The following RGS20 variants were observed in gnomAD, a reference collection of about 807,000 sequenced individuals.
The protein encoded by RGS20 is regulator of G protein signaling 20.
A neutral mutation model predicts 33.6 loss-of-function variants in RGS20; 30 were observed. The observed-to-expected ratio is 0.89, with a 90% CI of 0.67 to 1.21. The LOEUF is 1.21. Among genes scored for constraint, RGS20 ranks in the 50% most tolerant of loss-of-function variants. The probability of loss-of-function intolerance (pLI) is 0.00; values close to 1 mark genes in which losing one functional copy is unlikely to be tolerated. For synonymous variants in RGS20, 208 were observed against 197.9 expected (o/e 1.05, Z -0.43); for missense variants, 472 against 502.4 (o/e 0.94, Z 0.58).
At chr8:53,862,408 C>A (rs1037077772) in intron 1 of RGS20, among the ~76,000 whole-genome samples, 15 of 152,112 alleles carry the variant, frequency 9.9e-5, no homozygotes, top group African/African-American at 3.6e-4. Context: ...TACTTCCAGC[C>A]CCTCCTCAGA....
chr8:53,894,217 C>T (rs1293454005), intron 2 of RGS20, among the ~76,000 whole-genome samples: 3 of 152,082 alleles, frequency 2.0e-5, no homozygotes, highest in Admixed American at 6.6e-5. Context: ...TGGTTCCCTG[C>T]GAAGAGTCCA....
intron 2 of RGS20, among the ~76,000 whole-genome samples, chr8:53,926,261 G>A (rs1284816866): frequency 6.6e-6 from 1 of 152,182 alleles, no homozygotes; most frequent in Non-Finnish European, 1.5e-5. Flanking sequence ...CCAGGAGAAT[G>A]TGTCCTCTCA....
intron 1 of RGS20, among the ~76,000 whole-genome samples, chr8:53,872,389 C>A (rs1307457322): frequency 6.6e-6 from 1 of 152,124 alleles, no homozygotes; most frequent in East Asian, 1.9e-4. Context: ...AATCCAAAAT[C>A]CTTACCATGA....
intron 5 of RGS20, among the ~76,000 whole-genome samples, chr8:53,955,399 G>A (rs951106663): frequency 1.1e-4 from 16 of 152,096 alleles, no homozygotes; most frequent in Non-Finnish European, 4.4e-5. Context: ...TGATGTTATA[G>A]AGCAGCAGCA....
chr8:53,894,642 T>C (rs1812803595), intron 2 of RGS20, among the ~76,000 whole-genome samples: 1 of 152,208 alleles, frequency 6.6e-6, no homozygotes, highest in South Asian at 2.1e-4. Context: ...CACAGTTCTG[T>C]GGGGTGACAG....
intron 1 of RGS20, among the ~76,000 whole-genome samples, chr8:53,869,445 G>T (rs972374657): frequency 1.3e-5 from 2 of 152,168 alleles, no homozygotes; most frequent in Admixed American, 1.3e-4. Flanking sequence ...ATAGGCTGAG[G>T]TGAGCAGATC....
intron 1 of RGS20, among the ~76,000 whole-genome samples, chr8:53,866,299 C>A (rs1042451969): frequency 2.0e-5 from 3 of 152,060 alleles, no homozygotes; most frequent in Non-Finnish European, 4.4e-5. Context: ...TCTTCTATGC[C>A]ATGTGAAGTC....
chr8:53,898,448 C>A (rs1812926151), intron 2 of RGS20, among the ~76,000 whole-genome samples: 1 of 152,198 alleles, frequency 6.6e-6, no homozygotes, highest in East Asian at 1.9e-4. Context: ...TGCTCCATTG[C>A]CTTCACCATT....
intron 2 of RGS20, among the ~76,000 whole-genome samples, chr8:53,901,653 G>A (rs1027831793): frequency 1.3e-5 from 2 of 152,198 alleles, no homozygotes; most frequent in African/African-American, 4.8e-5. Context: ...CAAAAGGACA[G>A]ATACTATATG....
intron 1 of RGS20, among the ~76,000 whole-genome samples, chr8:53,861,708 T>G (rs1811812733): frequency 6.6e-6 from 1 of 152,246 alleles, no homozygotes; most frequent in Admixed American, 6.5e-5. Context: ...CAGGAGGACA[T>G]GCAATTAATT....
chr8:53,934,926 C>T (rs1332558732), intron 2 of RGS20, among the ~76,000 whole-genome samples: 1 of 152,170 alleles, frequency 6.6e-6, no homozygotes, highest in Admixed American at 6.5e-5. Context: ...GGCCACAGTG[C>T]AATCAAATTA....
intron 1 of RGS20, among the ~76,000 whole-genome samples, chr8:53,868,867 C>T (rs1314123522): frequency 3.3e-5 from 5 of 152,072 alleles, no homozygotes; most frequent in African/African-American, 1.2e-4. Flanking sequence ...ATTATTCTGC[C>T]TCAGTCTCCC....
At chr8:53,952,058 A>ATTTAT (rs767750669) in intron 4 of RGS20, among the ~76,000 whole-genome samples, 8 of 149,242 alleles carry the variant, frequency 5.4e-5, no homozygotes, top group Non-Finnish European at 8.9e-5. Flanking sequence ...TATGTTTGAC[A>ATTTAT]TTTATTTTAT....
chr8:53,919,624 T>C (rs1813590341), intron 2 of RGS20, among the ~76,000 whole-genome samples: 1 of 150,794 alleles, frequency 6.6e-6, no homozygotes, highest in Non-Finnish European at 1.5e-5. Context: ...AGTCTTGCCC[T>C]GTTGCCCAGG....
chr8:53,869,136 T>C (rs756253921), intron 1 of RGS20, among the ~76,000 whole-genome samples: 1 of 152,198 alleles, frequency 6.6e-6, no homozygotes, highest in Non-Finnish European at 1.5e-5. Flanking sequence ...TCTTTTCAAT[T>C]TTCTGATATC....
chr8:53,905,026 C>T (rs78239605), intron 2 of RGS20, among the ~76,000 whole-genome samples: 2,630 of 152,146 alleles, frequency 0.017, 66 homozygotes, highest in African/African-American at 0.059. Context: ...CATTTGGCAA[C>T]GGCTATATAA....
At position 53,870,573 on chromosome 8, in the gene RGS20, A is replaced by T. The variant is rs73680337; in HGVS notation, c.166-8685A>T. 8.8e-3 allele frequency among the ~76,000 whole-genome samples: 1,334 copies of T among 152,278 alleles called. 29 individuals are homozygous for T. Among genetic ancestry groups the T allele is most frequent in the African/African-American group, 0.031 (1,270 of 41,552 alleles). On this transcript the variant is annotated intron_variant, in intron 1 of 5. Transcript: ENST00000297313. ...TCTTCAACTTCTTGAGCTGCACTTC[A>T]TCAGCCTCATTTGAAATTTCCCCTT...
At chr8:53,865,735 T>C (rs891091484) in intron 1 of RGS20, among the ~76,000 whole-genome samples, 1 of 152,184 alleles carries the variant, frequency 6.6e-6, no homozygotes, top group African/African-American at 2.4e-5. Flanking sequence ...GCCTCCTGAG[T>C]AGCTGAGATG....
intron 2 of RGS20, among the ~76,000 whole-genome samples, chr8:53,931,319 G>T (rs1446619391): frequency 1.3e-5 from 2 of 152,196 alleles, no homozygotes; most frequent in African/African-American, 4.8e-5. Context: ...CACTTTGAGA[G>T]GCCAAGGTGG....
Sources: gnomAD v4.1 joint callset for allele counts (sites outside exome capture counted in the v4.1 genomes callset) on GRCh38, gnomAD v4.1.1 for gene constraint, MANE v1.5 for transcripts, NCBI Gene and HGNC (gene_info 2026-07-23, HGNC 2026-07-21) for gene names.